BDH2: variants seen among roughly 807,000 people sequenced by gnomAD.
BDH2 encodes the protein dehydrogenase/reductase SDR family member 6.
Under a neutral mutation model 33.2 loss-of-function variants are expected in BDH2, and 24 were observed. The ratio of observed to expected loss-of-function variants is 0.72; its 90% confidence interval spans 0.52 to 1.02. The LOEUF is 1.02. Ranked by LOEUF, BDH2 falls within the 50% of genes least tolerant of loss-of-function variation. The probability of loss-of-function intolerance (pLI) is 0.00; values close to 1 mark genes in which losing one functional copy is unlikely to be tolerated. For synonymous variants in BDH2, 81 were observed against 101.6 expected, an observed-to-expected ratio of 0.80 and a Z score of 1.22; for missense variants, 249 against 301.6, an observed-to-expected ratio of 0.83 and a Z score of 1.29.
At chr4:103,081,951 C>T in intron 9 of BDH2, 130 bp downstream of exon 9, 1 of 677,858 alleles carries the variant, frequency 1.5e-6, no homozygotes, top group Non-Finnish European at 2.5e-6. Context: ...GAGAACTTAT[C>T]CCTATCTTAT....
chr4:103,092,752 G>T lies in BDH2; in HGVS notation c.152-56C>A. On this transcript the variant is annotated intron_variant, in intron 3 of 9. Transcript: ENST00000296424. ...AAAAATGTTTAGCCTTGAAGGTTTA[G>T]CTGTTTTGAAGTGTGAAGTGTGAAG... is the stretch of plus-strand genomic sequence containing the variant. 9 of 1,331,024 alleles carry T rather than the reference G, an allele frequency of 6.8e-6. No individual in the cohort carries two copies. The South Asian group carries it at 1.1e-4, about 16-fold the overall frequency. The allele number at this position is 1,331,024 out of a possible 1,614,324, so 82.5% of individuals were successfully genotyped here.
chr4:103,095,486 G>A (rs190762459), intron 2 of BDH2, among the ~76,000 whole-genome samples: 170 of 151,884 alleles, frequency 1.1e-3, no homozygotes, highest in Non-Finnish European at 2.0e-3. Context: ...GACATACATT[G>A]TGCTTGTCAT....
intron 5 of BDH2, among the ~76,000 whole-genome samples, chr4:103,086,840 G>C (rs1026785283): frequency 6.6e-6 from 1 of 152,194 alleles, no homozygotes; most frequent in African/African-American, 2.4e-5. Context: ...AATGAAATGT[G>C]AATAAATGTT....
chr4:103,088,170 T>C (rs920045709), intron 5 of BDH2, among the ~76,000 whole-genome samples: 28 of 152,280 alleles, frequency 1.8e-4, no homozygotes, highest in African/African-American at 6.7e-4. Context: ...CATAATGAAA[T>C]GGGGTTCTCA....
intron 1 of BDH2, among the ~76,000 whole-genome samples, chr4:103,097,972 A>G (rs1001839192): frequency 6.6e-6 from 1 of 151,794 alleles, no homozygotes; most frequent in Admixed American, 6.6e-5. Flanking sequence ...TTTATACCCA[A>G]TATGCTCTTC....
intron 1 of BDH2, among the ~76,000 whole-genome samples, chr4:103,099,555 A>C (rs769500049): frequency 3.4e-4 from 52 of 152,188 alleles, no homozygotes; most frequent in Non-Finnish European, 6.9e-4. Flanking sequence ...AAGAGCCAGG[A>C]AGAAAACTCT....
intron 4 of BDH2, 82 bp from the exon 5 acceptor site, chr4:103,091,367 T>C: frequency 1.2e-6 from 1 of 850,934 alleles, no homozygotes; most frequent in Admixed American, 1.9e-5. Context: ...TATTGTCACT[T>C]AGTGACTTAG....
intron 4 of BDH2, 113 bp from the exon 5 acceptor site, chr4:103,091,398 T>G (rs1376761062): frequency 1.5e-6 from 1 of 651,930 alleles, no homozygotes; most frequent in Non-Finnish European, 2.7e-6. Flanking sequence ...CTTTCCCTTA[T>G]CAAGACTTTA....
chr4:103,079,624 T>C lies in BDH2; in HGVS notation c.*78A>G. 3 of 1,366,730 alleles carry C rather than the reference T, an allele frequency of 2.2e-6. No individual in the cohort carries two copies. Among genetic ancestry groups the C allele is most frequent in the Non-Finnish European group, 3.1e-6 (3 of 959,164 alleles). 84.7% of individuals were successfully genotyped at this position (1,366,730 alleles called of 1,614,324 possible). On this transcript the variant is annotated 3_prime_UTR_variant, in exon 10 of 10. Coordinates refer to ENST00000296424, the MANE Select transcript of BDH2 (RefSeq NM_020139.4). Reference sequence around the variant, plus strand: ...CATGTGATTAACAGGAAGGAGATGATTGGTGAGTTTTCTTCGTAACCAGGT... The same window carrying C: ...CATGTGATTAACAGGAAGGAGATGACTGGTGAGTTTTCTTCGTAACCAGGT...
At chr4:103,085,605 T>A in intron 6 of BDH2, 143 bp from the exon 7 acceptor site, 1 of 1,463,752 alleles carries the variant, frequency 6.8e-7, no homozygotes, top group Non-Finnish European at 9.2e-7. Flanking sequence ...GATATCAGAT[T>A]TTTTTCCTTC....
chr4:103,092,791 T>C, intron 3 of BDH2, 95 bp from the exon 4 acceptor site: 1 of 859,102 alleles, frequency 1.2e-6, no homozygotes, highest in Non-Finnish European at 1.9e-6. Context: ...GCAACATCTA[T>C]CCAGCTAGGC....
chr4:103,082,243 A>G lies in BDH2; in HGVS notation c.592-70T>C. ...TATGTGCTCACCTGCATCTTGTTCA[A>G]GGAGTTAAAGGCAAGAGAATCCACT... is the stretch of plus-strand genomic sequence containing the variant. On this transcript the variant is annotated intron_variant, in intron 8 of 9. Transcript: ENST00000296424. 2.2e-6 allele frequency: 3 copies of G among 1,334,658 alleles called. No individual in the cohort carries two copies. The Admixed American group carries it at 5.1e-5, about 23-fold the overall frequency. 82.7% of individuals were successfully genotyped at this position (1,334,658 alleles called of 1,614,324 possible). A position where few individuals can be genotyped will look rare whatever the true frequency, so the allele number is the denominator to read the frequency against.
chr4:103,095,810 A>C (rs1379693163), intron 2 of BDH2, among the ~76,000 whole-genome samples: 2 of 152,198 alleles, frequency 1.3e-5, no homozygotes, highest in Non-Finnish European at 2.9e-5. Flanking sequence ...TCAGGAGAAC[A>C]AGGTAACCTG....
chr4:103,089,349 G>A (rs1263495355), intron 5 of BDH2, among the ~76,000 whole-genome samples: 2 of 152,224 alleles, frequency 1.3e-5, no homozygotes, highest in Non-Finnish European at 2.9e-5. Flanking sequence ...GCAGGGCGCA[G>A]ACTGCACCTA....
At chr4:103,082,051 A>C (rs752371943) in intron 9 of BDH2, 30 bp downstream of exon 9, 2 of 1,572,040 alleles carry the variant, frequency 1.3e-6, no homozygotes, top group Admixed American at 3.3e-5. Context: ...GATTGAGGGT[A>C]ATGAACTCCT....
At position 103,095,905 on chromosome 4, in the gene BDH2, C is replaced by T. The variant is rs143375365; in HGVS notation, c.72+278G>A. Among the ~76,000 whole-genome samples, 9 of 152,304 alleles carry T rather than the reference C, an allele frequency of 5.9e-5. No homozygotes were observed. In the East Asian group the frequency reaches 1.2e-3, roughly 20 times the overall value. On this transcript the variant is annotated intron_variant, in intron 2 of 9. Transcript: ENST00000296424. The stretch of plus-strand genomic sequence containing the variant: ...TGTTTGCCCTCTGTAGCGAATATAT[C>T]ATGATGCAGAGAAACTGAAGTAGAG...
At chr4:103,088,610 A>G (rs1747920269) in intron 5 of BDH2, among the ~76,000 whole-genome samples, 2 of 152,008 alleles carry the variant, frequency 1.3e-5, no homozygotes, top group African/African-American at 4.8e-5. Context: ...CATGACTATA[A>G]AGTCAAGTGC....
Position 103,092,702 on chromosome 4 carries a change from A to G in BDH2, c.152-6T>C. ...AAGGACACGAGTTTGAATACCTGAAAAATAAAACAAGAGGCACTATTCCTA... is the reference window on the plus strand; with the variant it reads ...AAGGACACGAGTTTGAATACCTGAAGAATAAAACAAGAGGCACTATTCCTA... On this transcript the variant is annotated splice_region_variant and splice_polypyrimidine_tract_variant and intron_variant, in intron 3 of 9. Coordinates refer to ENST00000296424, the MANE Select transcript of BDH2 (RefSeq NM_020139.4). 6.3e-7 allele frequency: 1 copy of G among 1,594,362 alleles called. No homozygotes were observed. The highest frequency in any genetic ancestry group is 8.6e-7 in the Non-Finnish European group (1 of 1,162,454).
At chr4:103,090,197 G>C (rs1748011920) in intron 5 of BDH2, among the ~76,000 whole-genome samples, 1 of 152,172 alleles carries the variant, frequency 6.6e-6, no homozygotes, top group South Asian at 2.1e-4. Context: ...CATTGTCTCA[G>C]CCTGCACTGT....
Sources: gnomAD v4.1 joint callset for allele counts (sites outside exome capture counted in the v4.1 genomes callset) on GRCh38, gnomAD v4.1.1 for gene constraint, MANE v1.5 for transcripts, NCBI Gene and HGNC (gene_info 2026-07-23, HGNC 2026-07-21) for gene names.